Variants in NLN observed in about 807,000 individuals in gnomAD.
NLN encodes the protein neurolysin.
In NLN, 64 loss-of-function variants were observed where a neutral mutation model predicts 79.9. The ratio of observed to expected loss-of-function variants is 0.80; its 90% CI spans 0.65 to 0.99. NLN has a LOEUF of 0.99. Ranked by LOEUF, NLN falls within the 50% of genes least tolerant of loss-of-function variation. The pLI is 0.00. For missense variants in NLN, 835 were observed against 858.7 expected (o/e 0.97, Z 0.34); for synonymous variants, 267 against 296.6 (o/e 0.90, Z 1.02).
chr5:65,819,798 CAA>C (rs768622297), intron 12 of NLN, among the ~76,000 whole-genome samples: 1 of 152,152 alleles, frequency 6.6e-6, no homozygotes, highest in East Asian at 1.9e-4. Flanking sequence ...TTCTCTCACA[CAA>C]AAGAGCCTGG....
chr5:65,811,721 C>T (rs1760550393), intron 11 of NLN, among the ~76,000 whole-genome samples: 1 of 152,004 alleles, frequency 6.6e-6, no homozygotes, highest in South Asian at 2.1e-4. Context: ...ACTCAGGAGG[C>T]TGAGGCAGGA....
In NLN at chr5:65,806,639, A is replaced by G. The variant is rs375958689; in HGVS notation, c.1528-2876A>G. Among the ~76,000 whole-genome samples, 39 of 152,342 alleles carry G rather than the reference A, an allele frequency of 2.6e-4. 1 individual carries two copies. The East Asian group carries it at 4.2e-3, about 17-fold the overall frequency. ...TGAGCAACAGAAGTGACTTCTTTAT[A>G]TGCAATCTACTCCTGGTGAAGATGC... On this transcript the variant is annotated intron_variant, in intron 9 of 12. Transcript: ENST00000380985.
intron 3 of NLN, among the ~76,000 whole-genome samples, chr5:65,775,861 G>A (rs1759668873): frequency 6.6e-6 from 1 of 152,228 alleles, no homozygotes; most frequent in Admixed American, 6.5e-5. Context: ...TACAAAGGGA[G>A]GTTGCTGTAG....
intron 1 of NLN, among the ~76,000 whole-genome samples, chr5:65,727,296 T>G (rs1006995087): frequency 5.3e-5 from 8 of 152,080 alleles, no homozygotes; most frequent in Admixed American, 3.3e-4. Context: ...GCCTTCTGAG[T>G]AGCTGGGACT....
intron 1 of NLN, among the ~76,000 whole-genome samples, chr5:65,755,758 G>A (rs752334438): frequency 6.6e-6 from 1 of 152,192 alleles, no homozygotes; most frequent in Admixed American, 6.5e-5. Context: ...GGAGTTGTAA[G>A]CATCAACTAG....
At chr5:65,782,401 CTGTT>C (rs1759820638) in intron 6 of NLN, among the ~76,000 whole-genome samples, 1 of 152,184 alleles carries the variant, frequency 6.6e-6, no homozygotes, top group Admixed American at 6.5e-5. Flanking sequence ...GGTTTGTTGT[CTGTT>C]TGCTGCTAAT....
rs1341536827 is a variant in NLN at position 65,828,499 on chromosome 5, A to G, written c.*5584A>G. 6.6e-6 allele frequency: 1 copy of G among 152,240 alleles called. No homozygotes were observed. The highest frequency in any genetic ancestry group is 6.5e-5 in the Admixed American group (1 of 15,286). The allele number at this position is 152,240 out of a possible 1,614,324, so 9.4% of individuals were successfully genotyped here. On this transcript the variant is annotated 3_prime_UTR_variant, in exon 13 of 13. Coordinates refer to ENST00000380985, the MANE Select transcript of NLN (RefSeq NM_020726.5). Reference sequence around the variant, plus strand: ...AGAAATACAGATGATAATTGTTTTCAAATTCTTGAAGGAAATGGGAGAGAG... The same window carrying G: ...AGAAATACAGATGATAATTGTTTTCGAATTCTTGAAGGAAATGGGAGAGAG...
At chr5:65,743,314 A>T (rs1758909084) in intron 1 of NLN, among the ~76,000 whole-genome samples, 1 of 152,222 alleles carries the variant, frequency 6.6e-6, no homozygotes, top group Non-Finnish European at 1.5e-5. Context: ...GGCCAAAACA[A>T]TCTTCAAAAG....
At chr5:65,786,971 C>A (rs1759938124) in intron 7 of NLN, among the ~76,000 whole-genome samples, 1 of 152,214 alleles carries the variant, frequency 6.6e-6, no homozygotes, top group Non-Finnish European at 1.5e-5. Flanking sequence ...CAGTCTGATG[C>A]ATGGTATACA....
In NLN at chr5:65,825,756, T is replaced by C. The variant is rs1760906398; in HGVS notation, c.*2841T>C. The stretch of plus-strand genomic sequence containing the variant: ...GCTCTTCAAAGAAAAATTACTGATA[T>C]GATCATTGTACTTGTAAATGCCTTA... On this transcript the variant is annotated 3_prime_UTR_variant, in exon 13 of 13. Coordinates refer to ENST00000380985, the MANE Select transcript of NLN (RefSeq NM_020726.5). 1 of 152,194 alleles carries C rather than the reference T, an allele frequency of 6.6e-6. No individual in the cohort carries two copies. Among genetic ancestry groups the C allele is most frequent in the Non-Finnish European group, 1.5e-5 (1 of 68,026 alleles). 9.4% of individuals were successfully genotyped at this position (152,194 alleles called of 1,614,324 possible).
chr5:65,784,602 C>G (rs977714758), intron 6 of NLN, among the ~76,000 whole-genome samples: 2 of 152,166 alleles, frequency 1.3e-5, no homozygotes, highest in Non-Finnish European at 2.9e-5. Context: ...TTATAAGGCA[C>G]TAATTCATTG....
intron 4 of NLN, 81 bp from the exon 5 acceptor site, chr5:65,780,098 T>C: frequency 1.5e-6 from 1 of 672,124 alleles, no homozygotes; most frequent in East Asian, 2.9e-5. Flanking sequence ...ATTGCTGGGA[T>C]TACAGGTGTG....
intron 3 of NLN, among the ~76,000 whole-genome samples, chr5:65,771,669 T>C (rs962173691): frequency 9.9e-5 from 15 of 152,156 alleles, no homozygotes; most frequent in African/African-American, 3.6e-4. Flanking sequence ...TTAAACATTA[T>C]GTAATCTCTC....
chr5:65,821,947 T>C (rs1055326381), intron 12 of NLN, among the ~76,000 whole-genome samples: 2 of 152,246 alleles, frequency 1.3e-5, no homozygotes, highest in African/African-American at 4.8e-5. Flanking sequence ...TTGTACTAAG[T>C]CCTTTTGATC....
chr5:65,771,674 T>C (rs532185219), intron 3 of NLN, among the ~76,000 whole-genome samples: 2 of 152,254 alleles, frequency 1.3e-5, no homozygotes, highest in South Asian at 4.1e-4. Context: ...CATTATGTAA[T>C]CTCTCCTACT....
intron 1 of NLN, among the ~76,000 whole-genome samples, chr5:65,732,129 A>T (rs948008061): frequency 2.0e-5 from 3 of 152,206 alleles, no homozygotes; most frequent in African/African-American, 7.2e-5. Flanking sequence ...TGACTTTTTT[A>T]AAAAGACTTC....
chr5:65,744,046 A>G (rs1758922503), intron 1 of NLN, among the ~76,000 whole-genome samples: 1 of 152,022 alleles, frequency 6.6e-6, no homozygotes, highest in Non-Finnish European at 1.5e-5. Flanking sequence ...TTGTTACCTG[A>G]TATTCTGTTA....
chr5:65,738,632 A>T (rs78568551), intron 1 of NLN, among the ~76,000 whole-genome samples: 5,832 of 152,098 alleles, frequency 0.038, 322 homozygotes, highest in African/African-American at 0.12. Context: ...TATAATCATC[A>T]TGTAGTACAA....
At position 65,809,684 on chromosome 5, in the gene NLN, C is replaced by G; in HGVS notation, c.1697C>G (p.Ser566Cys). ...ADDLLEKLVA[S>C]RLVNTGLLTL... Reference sequence around the variant, plus strand: ...GATCTGCTTGAAAAACTTGTTGCTTCTAGGCTGGTCAACACAGGTATGACT... The same window carrying G: ...GATCTGCTTGAAAAACTTGTTGCTTGTAGGCTGGTCAACACAGGTATGACT... The change falls in exon 10 of 13, where the codon TCT (serine) becomes TGT (cysteine). Residue 566 changes from serine to cysteine, a missense_variant. Transcript: ENST00000380985. 6.2e-7 allele frequency: 1 copy of G among 1,605,566 alleles called. No homozygotes were observed.
Sources: gnomAD v4.1 joint callset for allele counts (sites outside exome capture counted in the v4.1 genomes callset) on GRCh38, gnomAD v4.1.1 for gene constraint, MANE v1.5 for transcripts, NCBI Gene and HGNC (gene_info 2026-07-23, HGNC 2026-07-21) for gene names.